MATCAP2: variants seen among roughly 807,000 people sequenced by gnomAD.
MATCAP2 encodes putative tyrosine carboxypeptidase MATCAP2.
the MATCAP2 span, chr7:36,324,802 A>G: frequency 6.6e-6 from 1 of 152,240 alleles, no homozygotes; most frequent in Non-Finnish European, 1.5e-5. Context: ...CCAAAGCAGT[A>G]AGGCAAAAAA....
the MATCAP2 span, chr7:36,366,820 C>T: frequency 6.6e-7 from 1 of 1,520,776 alleles, no homozygotes; most frequent in South Asian, 1.2e-5. Context: ...TCCCGAGCGG[C>T]GCGCCCAGCC....
At chr7:36,365,129 T>C in the MATCAP2 span, among the ~76,000 whole-genome samples, 2 of 152,236 alleles carry the variant, frequency 1.3e-5, no homozygotes, top group African/African-American at 4.8e-5. Context: ...GCATGACTAA[T>C]TGATCATAGT....
the MATCAP2 span, among the ~76,000 whole-genome samples, chr7:36,366,515 A>G: frequency 2.7e-3 from 415 of 152,362 alleles, 1 homozygote; most frequent in Non-Finnish European, 4.6e-3. Context: ...AGTATAAATA[A>G]TGAAATATAC....
the MATCAP2 span, among the ~76,000 whole-genome samples, chr7:36,334,535 CAAAAAAAAAAAAAA>C: frequency 1.2e-4 from 6 of 49,520 alleles, no homozygotes; most frequent in Admixed American, 9.8e-4. Context: ...GATCCCATCT[CAAAAAAAAAAAAAA>C]AAAAAAAAAA....
At chr7:36,333,211 A>G in the MATCAP2 span, among the ~76,000 whole-genome samples, 2 of 152,230 alleles carry the variant, frequency 1.3e-5, no homozygotes, top group African/African-American at 4.8e-5. Context: ...GATACATGCT[A>G]CAACATGAAT....
At chr7:36,347,212 G>GA in the MATCAP2 span, among the ~76,000 whole-genome samples, 5 of 151,710 alleles carry the variant, frequency 3.3e-5, no homozygotes, top group South Asian at 2.1e-4. Context: ...CACTAATCTA[G>GA]AAAAAAAAGT....
the MATCAP2 span, among the ~76,000 whole-genome samples, chr7:36,341,520 G>A: frequency 1.3e-5 from 2 of 152,150 alleles, no homozygotes; most frequent in Admixed American, 1.3e-4. Context: ...TAACCCCCAA[G>A]GTGAGGGTAT....
At chr7:36,382,123 T>C in the MATCAP2 span, among the ~76,000 whole-genome samples, 3 of 150,900 alleles carry the variant, frequency 2.0e-5, no homozygotes, top group Non-Finnish European at 4.4e-5. Context: ...TGAAAACCTG[T>C]CTCCACTAAA....
At chr7:36,367,742 A>G in the MATCAP2 span, among the ~76,000 whole-genome samples, 1 of 152,232 alleles carries the variant, frequency 6.6e-6, no homozygotes, top group Admixed American at 6.5e-5. Context: ...TTTTCACATT[A>G]GCAAGTATGA....
At chr7:36,357,331 G>A in the MATCAP2 span, 1 of 1,614,150 alleles carries the variant, frequency 6.2e-7, no homozygotes. Flanking sequence ...GAGGATCTTT[G>A]CTACGAGAAG....
the MATCAP2 span, among the ~76,000 whole-genome samples, chr7:36,382,280 T>C: frequency 8.2e-6 from 1 of 121,592 alleles, no homozygotes; most frequent in Non-Finnish European, 1.6e-5. Context: ...CACTCCAGCC[T>C]GAGTGACAGC....
the MATCAP2 span, among the ~76,000 whole-genome samples, chr7:36,350,302 ATG>A: frequency 2.0e-5 from 3 of 152,212 alleles, no homozygotes; most frequent in Admixed American, 1.3e-4. Context: ...TGTACCTATT[ATG>A]TGTTTTAATA....
chr7:36,350,180 G>A, the MATCAP2 span, among the ~76,000 whole-genome samples: 2 of 152,030 alleles, frequency 1.3e-5, no homozygotes, highest in African/African-American at 2.4e-5. Flanking sequence ...GAAATTTTAC[G>A]TCAAGACATC....
At chr7:36,372,706 T>A in the MATCAP2 span, among the ~76,000 whole-genome samples, 2 of 152,176 alleles carry the variant, frequency 1.3e-5, no homozygotes, top group Non-Finnish European at 2.9e-5. Context: ...ATTAACTTAC[T>A]CCTTCCACAG....
At chr7:36,385,857 T>TAAAATAAAATAAAATAAAAA in the MATCAP2 span, among the ~76,000 whole-genome samples, 1 of 149,168 alleles carries the variant, frequency 6.7e-6, no homozygotes, top group Non-Finnish European at 1.5e-5. Flanking sequence ...TAAAATAAGA[T>TAAAATAAAATAAAATAAAAA]AAAGAAAGAA....
At chr7:36,357,326 T>C in the MATCAP2 span, 14 of 1,614,064 alleles carry the variant, frequency 8.7e-6, no homozygotes, top group Admixed American at 5.0e-5. Flanking sequence ...CCTGCGAGGA[T>C]CTTTGCTACG....
chr7:36,335,781 T>G, the MATCAP2 span, among the ~76,000 whole-genome samples: 1 of 77,064 alleles, frequency 1.3e-5, no homozygotes, highest in Non-Finnish European at 3.1e-5. Flanking sequence ...AGAAAAGAAC[T>G]ACGACTAGGC....
the MATCAP2 span, among the ~76,000 whole-genome samples, chr7:36,374,873 C>T: frequency 2.0e-5 from 3 of 152,148 alleles, no homozygotes; most frequent in African/African-American, 4.8e-5. Context: ...TGAACTCATC[C>T]GTTTTTATGG....
the MATCAP2 span, among the ~76,000 whole-genome samples, chr7:36,349,029 A>G: frequency 6.6e-6 from 1 of 152,238 alleles, no homozygotes; most frequent in African/African-American, 2.4e-5. Flanking sequence ...AAGAAACTGA[A>G]GGATGGTAAC....
Sources: allele counts gnomAD v4.1 joint callset (sites outside exome capture counted in the v4.1 genomes callset), GRCh38; gene constraint gnomAD v4.1.1; transcripts MANE v1.5; gene names NCBI Gene and HGNC (gene_info 2026-07-23, HGNC 2026-07-21).